Variants in ACTR3C observed in about 807,000 individuals in gnomAD.
ACTR3C encodes actin related protein 3C.
Under a neutral mutation model 26.3 loss-of-function variants are expected in ACTR3C, and 18 were observed. The observed-to-expected ratio is 0.68, with a 90% confidence interval of 0.47 to 1.01. The LOEUF (loss-of-function observed/expected upper bound fraction) is 1.01, where lower values mean the gene tolerates loss of function less well. Ranked by LOEUF, ACTR3C falls within the 50% of genes least tolerant of loss-of-function variation. ACTR3C has a pLI of 0.00. For synonymous variants in ACTR3C, 55 were observed against 94.5 expected, an observed-to-expected ratio of 0.58 and a Z score of 2.42; for missense variants, 184 against 250.7, an observed-to-expected ratio of 0.73 and a Z score of 1.80.
chr7:150,021,829 C>T, the ACTR3C span, among the ~76,000 whole-genome samples: 3 of 151,890 alleles, frequency 2.0e-5, no homozygotes, highest in East Asian at 5.8e-4. Flanking sequence ...AGTAGTATTC[C>T]ATGGTGTATA....
At chr7:150,023,036 C>T in the ACTR3C span, among the ~76,000 whole-genome samples, 1 of 151,062 alleles carries the variant, frequency 6.6e-6, no homozygotes, top group Non-Finnish European at 1.5e-5. Context: ...CATCTTCATC[C>T]TTCCCACCCT....
the ACTR3C span, among the ~76,000 whole-genome samples, chr7:150,024,052 G>A: frequency 1.3e-5 from 2 of 150,876 alleles, no homozygotes; most frequent in Non-Finnish European, 1.5e-5. Flanking sequence ...AGGAGACAAA[G>A]GCAGACAGAG....
At chr7:150,178,987 G>A in the ACTR3C span, among the ~76,000 whole-genome samples, 1 of 149,932 alleles carries the variant, frequency 6.7e-6, no homozygotes, top group Non-Finnish European at 1.5e-5. Flanking sequence ...GCTACAGAAG[G>A]CCAGTGGATC....
the ACTR3C span, among the ~76,000 whole-genome samples, chr7:149,952,265 T>G: frequency 6.9e-6 from 1 of 145,330 alleles, no homozygotes; most frequent in Non-Finnish European, 1.5e-5. Context: ...AACTTTGCCA[T>G]TCTTCTAAAT....
At chr7:150,035,875 G>A in the ACTR3C span, among the ~76,000 whole-genome samples, 4,440 of 138,132 alleles carry the variant, frequency 0.032, 518 homozygotes, top group African/African-American at 0.11. Context: ...CAACAGCCAG[G>A]GGCGGAAGAG....
the ACTR3C span, among the ~76,000 whole-genome samples, chr7:150,232,585 A>C: frequency 0.017 from 2,316 of 139,690 alleles, 53 homozygotes; most frequent in African/African-American, 0.042. Context: ...GCACTTTGGG[A>C]GGCTGAGGCA....
the ACTR3C span, among the ~76,000 whole-genome samples, chr7:149,893,475 CTATTT>C: frequency 6.6e-6 from 1 of 152,164 alleles, no homozygotes; most frequent in African/African-American, 2.4e-5. Flanking sequence ...CTTTTGCACA[CTATTT>C]TATTAAATCC....
At chr7:150,093,857 G>A in the ACTR3C span, among the ~76,000 whole-genome samples, 1 of 150,848 alleles carries the variant, frequency 6.6e-6, no homozygotes, top group African/African-American at 2.5e-5. Flanking sequence ...CTATATGTGG[G>A]GTGACCATTA....
At chr7:149,941,578 G>A in the ACTR3C span, among the ~76,000 whole-genome samples, 2 of 152,338 alleles carry the variant, frequency 1.3e-5, no homozygotes, top group East Asian at 3.9e-4. Flanking sequence ...ACATAACCGA[G>A]TTCAGGGAAA....
At chr7:150,078,850 G>T in the ACTR3C span, among the ~76,000 whole-genome samples, 1 of 152,336 alleles carries the variant, frequency 6.6e-6, no homozygotes, top group East Asian at 1.9e-4. Flanking sequence ...GAGGCTTAGA[G>T]TCCAGGAGCT....
the ACTR3C span, among the ~76,000 whole-genome samples, chr7:150,084,929 T>A: frequency 6.6e-6 from 1 of 150,626 alleles, no homozygotes; most frequent in Non-Finnish European, 1.5e-5. Flanking sequence ...AGTGGGGAGG[T>A]GGGTGTACTG....
chr7:150,270,418 C>A lies in ACTR3C; in HGVS notation c.564+14335G>T, dbSNP rs557702790. Among the ~76,000 whole-genome samples the A allele has an allele frequency of 4.0e-5, 6 of 151,212 alleles. No individual in the cohort carries two copies. In the South Asian group the frequency reaches 8.3e-4, roughly 21 times the overall value. ...GGGATAAAGCAGGTACTATTCCCATCCCCATTCTGCCGAGAAGGACGCTGA... is the reference window on the plus strand; with the variant it reads ...GGGATAAAGCAGGTACTATTCCCATACCCATTCTGCCGAGAAGGACGCTGA... On this transcript the variant is annotated intron_variant, in intron 6 of 7. Coordinates refer to ENST00000683684, the MANE Select transcript of ACTR3C (RefSeq NM_001164458.2).
the ACTR3C span, among the ~76,000 whole-genome samples, chr7:150,006,012 A>G: frequency 6.6e-6 from 1 of 152,036 alleles, no homozygotes; most frequent in East Asian, 1.9e-4. Context: ...CTGAGATTCT[A>G]CCTGCACCCC....
In ACTR3C at chr7:150,310,359, T is replaced by G. The variant is rs140121798; in HGVS notation, c.-52+13110A>C. 1.8e-3 allele frequency among the ~76,000 whole-genome samples: 275 copies of G among 152,220 alleles called. 1 individual carries two copies. The highest frequency in any genetic ancestry group is 6.5e-3 in the African/African-American group (268 of 41,546). ...CCAGTATCCCATCCCACACCAGGAT[T>G]TAAAGGGATGAAGCCTATTATCACT... On this transcript the variant is annotated intron_variant, in intron 1 of 7. Transcript: ENST00000683684.
the ACTR3C span, among the ~76,000 whole-genome samples, chr7:149,903,865 C>CGTT: frequency 0.078 from 3,951 of 50,752 alleles, 299 homozygotes; most frequent in African/African-American, 0.12. Flanking sequence ...AGTGTAAGGG[C>CGTT]GTTGTTGTTG....
the ACTR3C span, among the ~76,000 whole-genome samples, chr7:149,908,607 C>A: frequency 6.6e-6 from 1 of 152,196 alleles, no homozygotes; most frequent in Non-Finnish European, 1.5e-5. Context: ...GTTCACAAAG[C>A]CTGTTATTAC....
At chr7:150,097,550 T>C in the ACTR3C span, among the ~76,000 whole-genome samples, 3 of 151,640 alleles carry the variant, frequency 2.0e-5, no homozygotes, top group Admixed American at 6.6e-5. Flanking sequence ...TCCCTTTACA[T>C]GTAGCCTAAC....
At chr7:150,116,627 ATTG>A in the ACTR3C span, among the ~76,000 whole-genome samples, 2 of 152,210 alleles carry the variant, frequency 1.3e-5, no homozygotes, top group African/African-American at 4.8e-5. Flanking sequence ...ATTGAGATAA[ATTG>A]TTTCTAATCC....
the ACTR3C span, among the ~76,000 whole-genome samples, chr7:150,012,317 C>CTTTTTTT: frequency 3.8e-5 from 5 of 131,268 alleles, 1 homozygote; most frequent in African/African-American, 8.7e-5. Flanking sequence ...ATAAATGCAT[C>CTTTTTTT]TTTTTTTTTT....
Sources: allele counts gnomAD v4.1 joint callset (sites outside exome capture counted in the v4.1 genomes callset), GRCh38; gene constraint gnomAD v4.1.1; transcripts MANE v1.5; gene names NCBI Gene and HGNC (gene_info 2026-07-23, HGNC 2026-07-21).